Variants in NAV2 observed in about 807,000 individuals in gnomAD.
The protein encoded by NAV2 is helicase, APC down-regulated 1.
In NAV2, 54 loss-of-function variants were observed where a neutral mutation model predicts 223.2. That is an observed-to-expected ratio of 0.24 (90% confidence interval 0.19 to 0.30). NAV2 has a LOEUF of 0.30. Ranked by LOEUF, NAV2 falls within the 10% of genes least tolerant of loss-of-function variation. NAV2 has a pLI of 1.00. For missense variants in NAV2, 2,806 were observed against 3,147.5 expected (o/e 0.89, Z 2.60); for synonymous variants, 1,279 against 1,239.3 (o/e 1.03, Z -0.67).
At chr11:19,594,257 C>T (rs918523192) in intron 1 of NAV2, among the ~76,000 whole-genome samples, 1 of 152,090 alleles carries the variant, frequency 6.6e-6, no homozygotes, top group Non-Finnish European at 1.5e-5. Flanking sequence ...GCCCATTTAC[C>T]AGGTTGAGGA....
rs535978213 is a variant in NAV2, at chr11:19,777,897, C to T, written c.268-54587C>T. The T allele has an allele frequency of 6.2e-3, 2,814 of 455,978 alleles. 29 individuals carry two copies. Among genetic ancestry groups the T allele is most frequent in the Non-Finnish European group, 7.0e-3 (1,589 of 226,792 alleles). 28.2% of individuals were successfully genotyped at this position (455,978 alleles called of 1,614,324 possible). On this transcript the variant is annotated intron_variant, in intron 1 of 37. Transcript: ENST00000349880. Reference sequence around the variant, plus strand: ...AGCGTGGTCCGCGTCCCCCGAGCCCCCATTGTGTCTTGATACTTTGGGGTG... The same window carrying T: ...AGCGTGGTCCGCGTCCCCCGAGCCCTCATTGTGTCTTGATACTTTGGGGTG...
At chr11:19,832,150 CTAGAGTCGCAGCCTCT>C (rs2059981826) in intron 1 of NAV2, among the ~76,000 whole-genome samples, 1 of 152,184 alleles carries the variant, frequency 6.6e-6, no homozygotes, top group Non-Finnish European at 1.5e-5. Context: ...TTGCTTGCAT[CTAGAGTCGCAGCCTCT>C]CAAAGCTGCA....
intron 1 of NAV2, among the ~76,000 whole-genome samples, chr11:19,454,994 GC>G (rs1851913296): frequency 6.6e-6 from 1 of 152,162 alleles, no homozygotes; most frequent in Non-Finnish European, 1.5e-5. Context: ...AAATTCTCAG[GC>G]CCCAGCCCAG....
chr11:20,070,157 G>A (rs980763753), intron 22 of NAV2, among the ~76,000 whole-genome samples: 4 of 152,154 alleles, frequency 2.6e-5, no homozygotes, highest in African/African-American at 9.7e-5. Context: ...CAGAAAAACA[G>A]TATTCTATAG....
chr11:19,771,547 T>C (rs2055719188), intron 1 of NAV2, among the ~76,000 whole-genome samples: 1 of 151,590 alleles, frequency 6.6e-6, no homozygotes, highest in Non-Finnish European at 1.5e-5. Context: ...GGAGGGGTGA[T>C]AGGAGACACT....
intron 1 of NAV2, among the ~76,000 whole-genome samples, chr11:19,479,966 G>A (rs772766523): frequency 3.8e-4 from 58 of 152,308 alleles, no homozygotes; most frequent in Admixed American, 2.5e-3. Context: ...CAAACTTGTT[G>A]TAAAAATAAT....
chr11:19,572,401 T>G (rs1565061818), intron 1 of NAV2, among the ~76,000 whole-genome samples: 1 of 152,210 alleles, frequency 6.6e-6, no homozygotes, highest in Admixed American at 6.5e-5. Flanking sequence ...CAATAGAGAT[T>G]GGAATTTTGT....
intron 1 of NAV2, among the ~76,000 whole-genome samples, chr11:19,393,895 G>GTTTTTTTT (rs5790072): frequency 2.2e-5 from 3 of 136,222 alleles, no homozygotes; most frequent in Non-Finnish European, 4.7e-5. Flanking sequence ...TAACTTAAGG[G>GTTTTTTTT]TTTTTTTTTT....
At chr11:19,613,994 G>A (rs2046715902) in intron 1 of NAV2, among the ~76,000 whole-genome samples, 1 of 152,058 alleles carries the variant, frequency 6.6e-6, no homozygotes, top group African/African-American at 2.4e-5. Flanking sequence ...CTTTCTATAT[G>A]CCCAACCTGA....
At position 19,750,795 on chromosome 11, in the gene NAV2, A is replaced by T. The variant is rs551574245; in HGVS notation, c.267+36833A>T. On this transcript the variant is annotated intron_variant, in intron 1 of 37. Transcript: ENST00000349880. ...TTTCCCTTTGAGAATTCATTTCTAT[A>T]CACAAATGCCACACAGGAATTCAGG... Among the ~76,000 whole-genome samples the T allele has an allele frequency of 9.8e-5, 15 of 152,320 alleles. No individual in the cohort carries two copies. The South Asian group carries it at 3.1e-3, about 32-fold the overall frequency.
At chr11:19,735,322 G>A (rs1400100850) in intron 1 of NAV2, among the ~76,000 whole-genome samples, 1 of 152,174 alleles carries the variant, frequency 6.6e-6, no homozygotes, top group Admixed American at 6.5e-5. Context: ...AGAAAAATGG[G>A]TGGTACTAGA....
chr11:19,708,688 G>A (rs533329125), upstream of NAV2, among the ~76,000 whole-genome samples: 1 of 152,266 alleles, frequency 6.6e-6, no homozygotes, highest in African/African-American at 2.4e-5. Context: ...CTGATCTGAG[G>A]ATGGCTCTTA....
At chr11:19,381,302 A>G (rs1477513396) in intron 1 of NAV2, among the ~76,000 whole-genome samples, 1 of 152,106 alleles carries the variant, frequency 6.6e-6, no homozygotes, top group Non-Finnish European at 1.5e-5. Context: ...GATTTATTAG[A>G]TTTGGTATTC....
At chr11:19,772,007 C>T (rs1270576861) in intron 1 of NAV2, among the ~76,000 whole-genome samples, 1 of 152,162 alleles carries the variant, frequency 6.6e-6, no homozygotes, top group East Asian at 1.9e-4. Context: ...CTCAGGCCTT[C>T]CTTGTCGCTG....
At chr11:19,939,876 G>T in intron 8 of NAV2, 103 bp downstream of exon 8, 12 of 667,946 alleles carry the variant, frequency 1.8e-5, no homozygotes, top group South Asian at 4.6e-5. Context: ...GTTGCATTAT[G>T]TTTGCATTGA....
chr11:20,046,243 G>A (rs1366004003), intron 14 of NAV2, among the ~76,000 whole-genome samples: 1 of 151,072 alleles, frequency 6.6e-6, no homozygotes, highest in East Asian at 2.0e-4. Context: ...AGCTGAGGCA[G>A]AAGAATCACT....
At chr11:19,585,451 T>C (rs1400311038) in intron 1 of NAV2, among the ~76,000 whole-genome samples, 4 of 152,242 alleles carry the variant, frequency 2.6e-5, no homozygotes, top group African/African-American at 7.2e-5. Flanking sequence ...TGCTCCTTAG[T>C]GGATGCAGTT....
chr11:19,958,588 G>T (rs1391459724), intron 10 of NAV2, among the ~76,000 whole-genome samples: 1 of 152,164 alleles, frequency 6.6e-6, no homozygotes, highest in African/African-American at 2.4e-5. Context: ...ATTTCACTGT[G>T]CCCATCTCAT....
At chr11:19,503,176 G>A (rs1167639361) in intron 1 of NAV2, 1 of 152,150 alleles carries the variant, frequency 6.6e-6, no homozygotes, top group Admixed American at 6.5e-5. Flanking sequence ...CAGTAAAATG[G>A]AGCAGAAGTT....
Sources: gnomAD v4.1 joint callset for allele counts (sites outside exome capture counted in the v4.1 genomes callset) on GRCh38, gnomAD v4.1.1 for gene constraint, MANE v1.5 for transcripts, NCBI Gene and HGNC (gene_info 2026-07-23, HGNC 2026-07-21) for gene names.